LRRC7: variants seen among roughly 807,000 people sequenced by gnomAD.
LRRC7 encodes the protein leucine rich repeat containing 7, also known as leucine-rich repeat-containing protein 7.
A neutral mutation model predicts 175.7 loss-of-function variants in LRRC7; 23 were observed. The ratio of observed to expected loss-of-function variants is 0.13; its 90% CI spans 0.09 to 0.19. The LOEUF is 0.19. LRRC7 is among the 10% of genes least tolerant of loss of function. LRRC7 has a pLI of 1.00. For missense variants in LRRC7, 1,354 were observed against 1,904.7 expected, an observed-to-expected ratio of 0.71 and a Z score of 5.38; for synonymous variants, 685 against 680.9, an observed-to-expected ratio of 1.01 and a Z score of -0.09.
chr1:70,039,157 T>C lies in LRRC7; in HGVS notation c.3333T>C (p.Pro1111=), dbSNP rs1659628423. Reference sequence around the variant, plus strand: ...ACATCGCCAAGGATTTGATTAGTCCTAGAGCTTACAGAGGATACCCACCGA... The same window carrying C: ...ACATCGCCAAGGATTTGATTAGTCCCAGAGCTTACAGAGGATACCCACCGA... The part of the protein sequence containing the change: ...SKNIAKDLIS[P]RAYRGYPPME... Residue 1111 remains proline (P), a synonymous_variant, in exon 21 of 27, where the codon CCT becomes CCC. Coordinates refer to ENST00000651989, the MANE Select transcript of LRRC7 (RefSeq NM_001370785.2). 6.2e-7 allele frequency: 1 copy of C among 1,614,060 alleles called. No individual in the cohort carries two copies. Among genetic ancestry groups the C allele is most frequent in the Admixed American group, 1.7e-5 (1 of 60,008 alleles).
intron 23 of LRRC7, among the ~76,000 whole-genome samples, chr1:70,070,373 A>G (rs531503298): frequency 8.5e-5 from 13 of 152,286 alleles, no homozygotes; most frequent in Middle Eastern, 3.4e-3. Flanking sequence ...GTAATTGATC[A>G]TGGAAGCATT....
chr1:69,699,379 A>G (rs764187640), intron 2 of LRRC7, among the ~76,000 whole-genome samples: 15 of 151,932 alleles, frequency 9.9e-5, no homozygotes, highest in South Asian at 2.1e-4. Flanking sequence ...ATCTCTACTA[A>G]AAGTACAAAA....
At chr1:69,994,911 T>C (rs1419647467) in intron 11 of LRRC7, among the ~76,000 whole-genome samples, 1 of 152,136 alleles carries the variant, frequency 6.6e-6, no homozygotes, top group Non-Finnish European at 1.5e-5. Flanking sequence ...ATTATACTCT[T>C]GCTGATATTT....
chr1:69,823,603 AT>A (rs1173996512), intron 4 of LRRC7, among the ~76,000 whole-genome samples: 8 of 152,072 alleles, frequency 5.3e-5, no homozygotes, highest in African/African-American at 1.7e-4. Context: ...CAGTATATAT[AT>A]TATATTATAT....
At chr1:70,073,323 T>C (rs546725062) in intron 23 of LRRC7, among the ~76,000 whole-genome samples, 1 of 152,172 alleles carries the variant, frequency 6.6e-6, no homozygotes, top group Admixed American at 6.5e-5. Context: ...TCACATCCTG[T>C]CCTATCAGAA....
chr1:70,018,909 C>A, intron 15 of LRRC7, 91 bp downstream of exon 15: 2 of 870,098 alleles, frequency 2.3e-6, no homozygotes, highest in Non-Finnish European at 3.7e-6. Context: ...GGAGTACTGG[C>A]ACATGGACAA....
At chr1:69,776,362 C>T (rs1204292111) in intron 3 of LRRC7, among the ~76,000 whole-genome samples, 2 of 152,108 alleles carry the variant, frequency 1.3e-5, no homozygotes, top group African/African-American at 4.8e-5. Flanking sequence ...TGGCCTCTCC[C>T]TATAAAATGA....
At chr1:69,571,792 C>T (rs369709113) in intron 1 of LRRC7, among the ~76,000 whole-genome samples, 10 of 152,154 alleles carry the variant, frequency 6.6e-5, no homozygotes, top group African/African-American at 1.2e-4. Context: ...TCAGATTAAC[C>T]GACTACACGA....
At chr1:69,594,858 CTT>C (rs1410176350) in intron 1 of LRRC7, among the ~76,000 whole-genome samples, 2 of 152,138 alleles carry the variant, frequency 1.3e-5, no homozygotes, top group Non-Finnish European at 2.9e-5. Context: ...TCCTCAGTGA[CTT>C]TGTTACCTGT....
intron 7 of LRRC7, among the ~76,000 whole-genome samples, chr1:69,910,956 A>C (rs1288629147): frequency 1.3e-5 from 2 of 152,160 alleles, no homozygotes; most frequent in Non-Finnish European, 2.9e-5. Flanking sequence ...TCAGACTGCT[A>C]TGCCAGCAAT....
Position 69,883,611 on chromosome 1 carries a change from T to C in LRRC7, c.647+45328T>C, listed in dbSNP as rs1461387229. Among the ~76,000 whole-genome samples the C allele has an allele frequency of 3.0e-5, 3 of 100,270 alleles. 1 individual carries two copies. Among genetic ancestry groups the C allele is most frequent in the African/African-American group, 1.1e-4 (3 of 26,370 alleles). 65.8% of individuals were successfully genotyped at this position (100,270 alleles called of 152,430 possible). A position where few individuals can be genotyped will look rare whatever the true frequency, so the allele number is the denominator to read the frequency against. On this transcript the variant is annotated intron_variant, in intron 7 of 26. Transcript: ENST00000651989. The stretch of plus-strand genomic sequence containing the variant: ...TTTGTTTTGCTGTGCAAAAGCTCTT[T>C]AGTTTAATTAGATCCCATTTGTCAA...
intron 8 of LRRC7, among the ~76,000 whole-genome samples, chr1:69,951,797 G>T (rs770373476): frequency 6.6e-6 from 1 of 152,044 alleles, no homozygotes; most frequent in Non-Finnish European, 1.5e-5. Context: ...TGAGGATGGA[G>T]GGTGGGAGAA....
At chr1:69,653,535 C>A (rs932692195) in intron 1 of LRRC7, among the ~76,000 whole-genome samples, 1 of 151,942 alleles carries the variant, frequency 6.6e-6, no homozygotes. Context: ...CAAATTAGAA[C>A]CTTTTTGCAT....
intron 1 of LRRC7, among the ~76,000 whole-genome samples, chr1:69,586,066 A>G (rs907329052): frequency 3.9e-5 from 6 of 152,216 alleles, no homozygotes; most frequent in Non-Finnish European, 8.8e-5. Context: ...TTAAATAGTG[A>G]AAGTACCAAG....
chr1:69,628,892 G>A (rs140348891), intron 1 of LRRC7, among the ~76,000 whole-genome samples: 1 of 152,246 alleles, frequency 6.6e-6, no homozygotes. Flanking sequence ...TTCAACAAAT[G>A]TGCTAGAACA....
At chr1:69,579,596 C>G (rs1462487352) in intron 1 of LRRC7, among the ~76,000 whole-genome samples, 2 of 152,056 alleles carry the variant, frequency 1.3e-5, no homozygotes, top group East Asian at 3.9e-4. Context: ...GAAAAAGATG[C>G]ATGTTGTGTG....
intron 17 of LRRC7, among the ~76,000 whole-genome samples, chr1:70,027,600 C>T (rs923458628): frequency 6.6e-6 from 1 of 151,852 alleles, no homozygotes; most frequent in Non-Finnish European, 1.5e-5. Flanking sequence ...CATTTTTTCC[C>T]CTTAGGGATT....
intron 1 of LRRC7, among the ~76,000 whole-genome samples, chr1:69,661,235 T>A (rs933813728): frequency 6.6e-5 from 10 of 152,150 alleles, no homozygotes; most frequent in Admixed American, 6.5e-4. Context: ...CACTTCAAGC[T>A]GCTAGTATAT....
At chr1:69,625,424 TGGG>T (rs1651340664) in intron 1 of LRRC7, among the ~76,000 whole-genome samples, 1 of 139,604 alleles carries the variant, frequency 7.2e-6, no homozygotes, top group Non-Finnish European at 1.6e-5. Flanking sequence ...GAACCAAGTT[TGGG>T]TTTTATTAAT....
Sources: allele counts gnomAD v4.1 joint callset (sites outside exome capture counted in the v4.1 genomes callset), GRCh38; gene constraint gnomAD v4.1.1; transcripts MANE v1.5; gene names NCBI Gene and HGNC (gene_info 2026-07-23, HGNC 2026-07-21).